ZACN: variants seen among roughly 807,000 people sequenced by gnomAD.
The protein encoded by ZACN is ligand-gated cation channel ZACN.
In ZACN, 52 loss-of-function variants were observed where a neutral mutation model predicts 38.9. The ratio of observed to expected loss-of-function variants is 1.34; its 90% CI spans 1.07 to 1.68. ZACN has a LOEUF of 1.68. Ranked by LOEUF, ZACN falls within the 40% of genes most tolerant of loss-of-function variation. The pLI is 0.00. For missense variants in ZACN, 559 were observed against 525.6 expected, an observed-to-expected ratio of 1.06 and a Z score of -0.62; for synonymous variants, 235 against 227.4, an observed-to-expected ratio of 1.03 and a Z score of -0.30.
intron 4 of ZACN, 76 bp downstream of exon 4, chr17:76,080,070 G>C: frequency 6.7e-7 from 1 of 1,503,114 alleles, no homozygotes; most frequent in East Asian, 2.5e-5. Context: ...CCTAGAGGCT[G>C]TCTGAGTGAA....
At position 76,080,436 on chromosome 17, in the gene ZACN, G is replaced by C. The variant is rs770097104; in HGVS notation, c.544+12G>C. The C allele has an allele frequency of 2.2e-5, 35 of 1,612,526 alleles. 1 individual carries two copies. In the Admixed American group the frequency reaches 5.8e-4, roughly 27 times the overall value. On this transcript the variant is annotated intron_variant, in intron 5 of 8. Coordinates refer to ENST00000334586, the MANE Select transcript of ZACN (RefSeq NM_180990.4). The stretch of plus-strand genomic sequence containing the variant: ...TCTCAGCAACACGGGTGCTGACAGG[G>C]CAGGGGCTGCAGGGTTGAGGAGGGG...
Position 76,082,043 on chromosome 17 carries a change from G to A in ZACN, c.1042G>A (p.Ala348Thr). ...REHGNPGPHP[A>T]EEPSRGVKGS... is the part of the protein sequence containing the mutation. ...GCACGGCAACCCAGGGCCTCATCCT[G>A]CTGAAGGTGGGCAGGGGCTGGGGGG... The change falls in exon 8 of 9, where the codon GCT (alanine) becomes ACT (threonine). Residue 348 changes from alanine to threonine, a missense_variant. Transcript: ENST00000334586. The A allele has an allele frequency of 6.2e-7, 1 of 1,606,828 alleles. No homozygotes were observed. The highest frequency in any genetic ancestry group is 8.5e-7 in the Non-Finnish European group (1 of 1,177,394).
In ZACN at chr17:76,082,708, G is replaced by T; in HGVS notation, c.*55G>T. 6.6e-7 allele frequency: 1 copy of T among 1,521,696 alleles called. No homozygotes were observed. The highest frequency in any genetic ancestry group is 2.3e-5 in the East Asian group (1 of 43,008). 94.3% of individuals were successfully genotyped at this position (1,521,696 alleles called of 1,614,324 possible). ...GATGAAGTTTGCTTTCCCATGGCTG[G>T]GGGCGGGCCATGACAGGGCCTCTGG... On this transcript the variant is annotated 3_prime_UTR_variant, in exon 9 of 9. Transcript: ENST00000334586.
At chr17:76,082,112 C>A in intron 8 of ZACN, 63 bp downstream of exon 8, 1 of 1,516,794 alleles carries the variant, frequency 6.6e-7, no homozygotes. Flanking sequence ...GGGGTGAGGG[C>A]ACGGAGGTCC....
chr17:76,081,484 A>T (rs919347518), intron 6 of ZACN, 61 bp from the exon 7 acceptor site: 21 of 1,609,576 alleles, frequency 1.3e-5, no homozygotes, highest in Non-Finnish European at 1.8e-5. Context: ...GCCAGGCCCC[A>T]TGCCCCCGAT....
In ZACN at chr17:76,081,063, GA is replaced by G. The variant is rs1306244355; in HGVS notation, c.545-213del. 2.3e-4 allele frequency: 132 copies of G among 565,114 alleles called. No homozygotes were observed. The East Asian group carries it at 4.3e-3, about 18-fold the overall frequency. The allele number at this position is 565,114 out of a possible 1,614,324, so 35.0% of individuals were successfully genotyped here. On this transcript the variant is annotated intron_variant, in intron 5 of 8. Coordinates refer to ENST00000334586, the MANE Select transcript of ZACN (RefSeq NM_180990.4). ...ATTTTTACAATGAAAGCTCATCTAT[GA>G]ATCTGATAAAGGCCTTCCTTCAACT...
At position 76,082,399 on chromosome 17, in the gene ZACN, G is replaced by A. The variant is rs567519032; in HGVS notation, c.1049-64G>A. 30 of 1,477,938 alleles carry A rather than the reference G, an allele frequency of 2.0e-5. No homozygotes were observed. The African/African-American group carries it at 2.5e-4, about 12-fold the overall frequency. The allele number at this position is 1,477,938 out of a possible 1,614,324, so 91.6% of individuals were successfully genotyped here. ...TACAGGCTGATGACCCCTGGGGTTC[G>A]CTCTTCCGCTCATGTTGAGGGGACC... On this transcript the variant is annotated intron_variant, in intron 8 of 8. Transcript: ENST00000334586.
intron 2 of ZACN, 42 bp downstream of exon 2, chr17:76,079,605 C>G: frequency 1.2e-6 from 2 of 1,613,502 alleles, no homozygotes; most frequent in Non-Finnish European, 1.7e-6. Flanking sequence ...CTGAGCTGGG[C>G]AGGGAACAGG....
At chr17:76,082,115 G>A (rs911096339) in intron 8 of ZACN, 66 bp downstream of exon 8, 50 of 1,514,902 alleles carry the variant, frequency 3.3e-5, no homozygotes, top group Non-Finnish European at 3.9e-5. Context: ...GTGAGGGCAC[G>A]GAGGTCCAGG....
In ZACN at chr17:76,081,625, C is replaced by G. The variant is rs569770443; in HGVS notation, c.750C>G (p.Cys250Trp). The G allele has an allele frequency of 3.1e-6, 5 of 1,613,966 alleles. No homozygotes were observed. In the South Asian group the frequency reaches 5.5e-5, roughly 18 times the overall value. Residue 250 changes from cysteine (C) to tryptophan (W), a missense_variant, in exon 7 of 9, where the codon TGC becomes TGG. Cys to Trp is a radical substitution (Grantham distance 215). Coordinates refer to ENST00000334586, the MANE Select transcript of ZACN (RefSeq NM_180990.4). ...AGGCACTGCTGTTGGCTGACGTGTG[C>G]GGGGGGTTGCTGCCCCTCCGGGCCA... ...PAEALLLADV[C>W]GGLLPLRAIE...
chr17:76,081,112 A>C, intron 5 of ZACN, 166 bp from the exon 6 acceptor site: 1 of 894,982 alleles, frequency 1.1e-6, no homozygotes, highest in Non-Finnish European at 1.7e-6. Context: ...GGATGTTGCA[A>C]AACAAGGTTT....
intron 8 of ZACN, 167 bp from the exon 9 acceptor site, chr17:76,082,296 G>C: frequency 5.0e-6 from 4 of 797,558 alleles, no homozygotes; most frequent in Non-Finnish European, 7.7e-6. Context: ...GCCTAAGAGG[G>C]TGTTTCTTCA....
Position 76,079,498 on chromosome 17 carries a change from C to A in ZACN, c.157C>A (p.Pro53Thr). ...SKKVQESIQI[P>T]NNGSAPLLVD... The stretch of plus-strand genomic sequence containing the variant: ...GAAGGTTCAGGAAAGCATCCAGATC[C>A]CGAACAATGGGAGTGCGCCCCTGCT... The change falls in exon 2 of 9, where the codon CCG becomes ACG. Residue 53 changes from proline (P) to threonine (T), a missense_variant. By Grantham distance (38) the Pro-to-Thr change is conservative. Transcript: ENST00000334586. 1 of 1,614,182 alleles carries A rather than the reference C, an allele frequency of 6.2e-7. No homozygotes were observed. Among genetic ancestry groups the A allele is most frequent in the Non-Finnish European group, 8.5e-7 (1 of 1,180,036 alleles).
intron 4 of ZACN, 126 bp downstream of exon 4, chr17:76,080,120 C>A: frequency 6.9e-7 from 1 of 1,446,782 alleles, no homozygotes; most frequent in Non-Finnish European, 9.3e-7. Flanking sequence ...TAGCAGTGCA[C>A]CTTCACTGCC....
chr17:76,079,838 G>A lies in ZACN; in HGVS notation c.268-50G>A, dbSNP rs757164319. 7 of 1,595,820 alleles carry A rather than the reference G, an allele frequency of 4.4e-6. No individual in the cohort carries two copies. The Admixed American group carries it at 1.2e-4, about 28-fold the overall frequency. ...CTTCATCAACATGCTGAGCTTAGGG[G>A]CATGGATATGTGGAGAGCAGGAGCC... On this transcript the variant is annotated intron_variant, in intron 3 of 8. Transcript: ENST00000334586.
chr17:76,079,797 G>C (rs760152946), intron 3 of ZACN, 51 bp downstream of exon 3: 2 of 1,607,250 alleles, frequency 1.2e-6, no homozygotes, highest in South Asian at 1.1e-5. Context: ...GCTGAGTCCA[G>C]CTCAGAACTA....
Position 76,079,360 on chromosome 17 carries a change from CAGTAGGTGG to C in ZACN, c.97+2_97+10del, listed in dbSNP as rs1160456850. 5 of 1,613,882 alleles carry C rather than the reference CAGTAGGTGG, an allele frequency of 3.1e-6. No homozygotes were observed. In the African/African-American group the frequency reaches 6.7e-5, roughly 22 times the overall value. ...GGCAGGGCTTCCAAGGGACAGCAGC[CAGTAGGTGG>C]AGGGCAAGGTCATAAGCTTTGGGAC... is the stretch of plus-strand genomic sequence containing the variant. On this transcript the variant is annotated splice_donor_variant and splice_donor_5th_base_variant and coding_sequence_variant and intron_variant, in exon 1 of 9. Transcript: ENST00000334586. LOFTEE classifies it high-confidence loss of function.
In ZACN at chr17:76,080,008, T is replaced by C; in HGVS notation, c.374+14T>C. The stretch of plus-strand genomic sequence containing the variant: ...CATCCTGGAGGCGTAAGTGAGACAG[T>C]TCCTGCCCCAGGAATCTGCCATGCA... On this transcript the variant is annotated intron_variant, in intron 4 of 8. Coordinates refer to ENST00000334586, the MANE Select transcript of ZACN (RefSeq NM_180990.4). 1.3e-6 allele frequency: 2 copies of C among 1,561,310 alleles called. No individual in the cohort carries two copies. Among genetic ancestry groups the C allele is most frequent in the Non-Finnish European group, 1.7e-6 (2 of 1,153,224 alleles).
rs773141819 is a variant in ZACN, at chr17:76,082,676, A to G, written c.*23A>G. 6.4e-7 allele frequency: 1 copy of G among 1,570,002 alleles called. No individual in the cohort carries two copies. Among genetic ancestry groups the G allele is most frequent in the South Asian group, 1.2e-5 (1 of 85,290 alleles). On this transcript the variant is annotated 3_prime_UTR_variant, in exon 9 of 9. Coordinates refer to ENST00000334586, the MANE Select transcript of ZACN (RefSeq NM_180990.4). Reference sequence around the variant, plus strand: ...TAAAGGGGCAGGGCCTGGGCTGCACACCTTAGGATGAAGTTTGCTTTCCCA... The same window carrying G: ...TAAAGGGGCAGGGCCTGGGCTGCACGCCTTAGGATGAAGTTTGCTTTCCCA...
Sources: gnomAD v4.1 joint callset for allele counts on GRCh38, gnomAD v4.1.1 for gene constraint, MANE v1.5 for transcripts, NCBI Gene and HGNC (gene_info 2026-07-23, HGNC 2026-07-21) for gene names.